UGT3A1: variants seen among roughly 807,000 people sequenced by gnomAD.
UGT3A1 encodes the protein UDP glycosyltransferase family 3 member A1.
Under a neutral mutation model 37.6 loss-of-function variants are expected in UGT3A1, and 40 were observed. That is an observed-to-expected ratio of 1.06 (90% CI 0.83 to 1.38). UGT3A1 has a LOEUF of 1.38. Ranked by LOEUF, UGT3A1 falls within the 40% of genes most tolerant of loss-of-function variation. The pLI is 0.00. For missense variants in UGT3A1, 642 were observed against 634.2 expected (o/e 1.01, Z -0.13); for synonymous variants, 256 against 232.3 (o/e 1.10, Z -0.93).
Position 35,951,818 on chromosome 5 carries a change from A to G in UGT3A1, c.*2384T>C, listed in dbSNP as rs954773326. 3.3e-5 allele frequency: 5 copies of G among 152,136 alleles called. No homozygotes were observed. The highest frequency in any genetic ancestry group is 3.3e-4 in the Admixed American group (5 of 15,280). The allele number at this position is 152,136 out of a possible 1,614,324, so 9.4% of individuals were successfully genotyped here. On this transcript the variant is annotated 3_prime_UTR_variant, in exon 7 of 7. Coordinates refer to ENST00000274278, the MANE Select transcript of UGT3A1 (RefSeq NM_152404.4). The stretch of plus-strand genomic sequence containing the variant: ...TTTCTCTTAGACTCAGCATGGTATC[A>G]TTTTTTGTACCTAGATATCTGGTGT...
chr5:35,980,723 G>A (rs898846667), intron 2 of UGT3A1, among the ~76,000 whole-genome samples: 6 of 152,272 alleles, frequency 3.9e-5, no homozygotes, highest in Admixed American at 2.6e-4. Flanking sequence ...TCTAACTCCT[G>A]TCATTATCTA....
At chr5:35,980,813 TA>T (rs1740491901) in intron 2 of UGT3A1, among the ~76,000 whole-genome samples, 1 of 152,232 alleles carries the variant, frequency 6.6e-6, no homozygotes, top group Non-Finnish European at 1.5e-5. Context: ...AAATTTACTT[TA>T]CCTTTTATGA....
At chr5:35,997,055 AT>A (rs1204527611) in intron 2 of UGT3A1, among the ~76,000 whole-genome samples, 1 of 152,156 alleles carries the variant, frequency 6.6e-6, no homozygotes, top group Non-Finnish European at 1.5e-5. Flanking sequence ...ACCACACAAG[AT>A]TATCTGAAAA....
intron 1 of UGT3A1, among the ~76,000 whole-genome samples, chr5:35,990,412 T>A (rs1276183878): frequency 6.6e-6 from 1 of 152,020 alleles, no homozygotes; most frequent in African/African-American, 2.4e-5. Flanking sequence ...GGGATCGAGC[T>A]CATATATAAT....
chr5:35,992,429 G>A (rs78414127), upstream of UGT3A1, among the ~76,000 whole-genome samples: 1,169 of 152,068 alleles, frequency 7.7e-3, 13 homozygotes, highest in African/African-American at 0.027. Context: ...GTGGAGGGGG[G>A]AAGGTTTACC....
chr5:36,000,980 C>A (rs578001987), exon 1 of UGT3A1: 1 of 152,284 alleles, frequency 6.6e-6, no homozygotes, highest in East Asian at 1.9e-4. Flanking sequence ...GATATGTGGA[C>A]TCATGCCTCT....
At chr5:35,993,018 C>A (rs921175356), upstream of UGT3A1, among the ~76,000 whole-genome samples, 1 of 152,120 alleles carries the variant, frequency 6.6e-6, no homozygotes, top group African/African-American at 2.4e-5. Context: ...CGTGGCAATG[C>A]AAATTGATAG....
At chr5:35,988,629 ATGGAAATT>A (rs1049236798) in intron 1 of UGT3A1, 78 bp from the exon 2 acceptor site, 1 of 1,109,566 alleles carries the variant, frequency 9.0e-7, no homozygotes, top group Non-Finnish European at 1.3e-6. Flanking sequence ...GCAGGAGGGA[ATGGAAATT>A]CAGCAGAAAA....
At chr5:35,981,627 T>C (rs1408843128) in intron 2 of UGT3A1, among the ~76,000 whole-genome samples, 1 of 152,182 alleles carries the variant, frequency 6.6e-6, no homozygotes, top group Non-Finnish European at 1.5e-5. Context: ...TTCATTTGCA[T>C]AAGAAAAGAG....
chr5:35,984,451 G>T (rs1461245747), intron 2 of UGT3A1, among the ~76,000 whole-genome samples: 1 of 149,768 alleles, frequency 6.7e-6, no homozygotes, highest in Admixed American at 6.8e-5. Flanking sequence ...GTGAAATGGG[G>T]CTACCATTCA....
At chr5:35,964,506 T>C (rs1156641748) in intron 4 of UGT3A1, among the ~76,000 whole-genome samples, 1 of 152,128 alleles carries the variant, frequency 6.6e-6, no homozygotes, top group Non-Finnish European at 1.5e-5. Flanking sequence ...CTCTTCCTGT[T>C]TACTCAATAT....
Position 35,991,314 on chromosome 5 carries a change from C to T in UGT3A1, c.-74G>A. The T allele has an allele frequency of 6.3e-7, 1 of 1,596,560 alleles. No individual in the cohort carries two copies. Among genetic ancestry groups the T allele is most frequent in the Non-Finnish European group, 8.5e-7 (1 of 1,171,220 alleles). ...CGCCGGGCTAAGGACTCTGTGCGCG[C>T]CTCAGTACTCCAAAGGCACTGGCTG... On this transcript the variant is annotated 5_prime_UTR_variant, in exon 1 of 7. Coordinates refer to ENST00000274278, the MANE Select transcript of UGT3A1 (RefSeq NM_152404.4).
In UGT3A1 at chr5:35,965,480, T is replaced by G. The variant is rs200073580; in HGVS notation, c.749A>C (p.Asn250Thr). The change falls in exon 4 of 7, where the codon AAC (asparagine) becomes ACC (threonine). Residue 250 changes from asparagine to threonine, a missense_variant. By Grantham distance (65) the Asn-to-Thr change is moderately conservative (BLOSUM62 0). Coordinates refer to ENST00000274278, the MANE Select transcript of UGT3A1 (RefSeq NM_152404.4). ...LLLKAELWFV[N>T]SDFAFDFARP... ...GGCAAAATCAAAGGCAAAATCAGAG[T>G]TAACAAACCACAACTCTGCTTTCAG... 2.1e-5 allele frequency: 34 copies of G among 1,613,942 alleles called. No individual in the cohort carries two copies. Among genetic ancestry groups the G allele is most frequent in the Non-Finnish European group, 2.7e-5 (32 of 1,180,014 alleles).
intron 2 of UGT3A1, among the ~76,000 whole-genome samples, chr5:35,986,689 A>G (rs968479139): frequency 1.3e-5 from 2 of 152,120 alleles, no homozygotes; most frequent in Non-Finnish European, 2.9e-5. Flanking sequence ...TGGACAGGGG[A>G]TATGGATAGA....
intron 2 of UGT3A1, among the ~76,000 whole-genome samples, chr5:35,980,546 C>T (rs1181029980): frequency 6.6e-6 from 1 of 152,166 alleles, no homozygotes; most frequent in Non-Finnish European, 1.5e-5. Context: ...ACTACCATGG[C>T]CAGGAATGAC....
chr5:35,951,496 C>T lies in UGT3A1; in HGVS notation c.*2706G>A, dbSNP rs367690910. 2 of 151,972 alleles carry T rather than the reference C, an allele frequency of 1.3e-5. No individual in the cohort carries two copies. Among genetic ancestry groups the T allele is most frequent in the African/African-American group, 4.8e-5 (2 of 41,372 alleles). 9.4% of individuals were successfully genotyped at this position (151,972 alleles called of 1,614,324 possible). On this transcript the variant is annotated 3_prime_UTR_variant, in exon 7 of 7. Transcript: ENST00000274278. ...ATTTGCTCCATATTAGCTTATTCTG[C>T]TTTTGTTTATTGTAGTTTAAAGCTG...
At chr5:35,971,765 G>A (rs985554609) in intron 2 of UGT3A1, among the ~76,000 whole-genome samples, 5 of 152,154 alleles carry the variant, frequency 3.3e-5, no homozygotes, top group Admixed American at 6.5e-5. Context: ...GGGGCAAACT[G>A]TAAACATTTC....
chr5:35,988,840 T>G (rs1370428025), intron 1 of UGT3A1, among the ~76,000 whole-genome samples: 1 of 152,186 alleles, frequency 6.6e-6, no homozygotes, highest in Non-Finnish European at 1.5e-5. Flanking sequence ...TGAGCTTCTC[T>G]GTGATTACGC....
At chr5:35,970,814 T>C (rs938565190) in intron 2 of UGT3A1, among the ~76,000 whole-genome samples, 1 of 152,192 alleles carries the variant, frequency 6.6e-6, no homozygotes, top group African/African-American at 2.4e-5. Context: ...TCTCCATTCT[T>C]TCTCCCTTTA....
Sources: allele counts gnomAD v4.1 joint callset (sites outside exome capture counted in the v4.1 genomes callset), GRCh38; gene constraint gnomAD v4.1.1; transcripts MANE v1.5; gene names NCBI Gene and HGNC (gene_info 2026-07-23, HGNC 2026-07-21).